AUTS2: variants seen among roughly 807,000 people sequenced by gnomAD.
The protein encoded by AUTS2 is activator of transcription and developmental regulator AUTS2.
Under a neutral mutation model 112.4 loss-of-function variants are expected in AUTS2, and 17 were observed. That is an observed-to-expected ratio of 0.15 (90% CI 0.10 to 0.23). The LOEUF (loss-of-function observed/expected upper bound fraction) is 0.23, where lower values mean the gene tolerates loss of function less well. Among genes scored for constraint, AUTS2 ranks in the 10% least tolerant of loss-of-function variants. The pLI is 1.00. For missense variants in AUTS2, 1,510 were observed against 1,701.6 expected (o/e 0.89, Z 1.98); for synonymous variants, 751 against 702.7 (o/e 1.07, Z -1.09).
At chr7:69,747,969 T>G (rs1273930498) in intron 1 of AUTS2, among the ~76,000 whole-genome samples, 1 of 151,908 alleles carries the variant, frequency 6.6e-6, no homozygotes, top group African/African-American at 2.4e-5. Context: ...TAGCATTGTA[T>G]TTTTTTTCCT....
At chr7:70,010,371 C>G (rs191765717) in intron 2 of AUTS2, among the ~76,000 whole-genome samples, 2 of 152,322 alleles carry the variant, frequency 1.3e-5, no homozygotes, top group East Asian at 3.9e-4. Context: ...ATCTCAAACT[C>G]CTGGTCTTAA....
intron 2 of AUTS2, among the ~76,000 whole-genome samples, chr7:70,027,184 G>A (rs1490089624): frequency 6.6e-6 from 1 of 152,110 alleles, no homozygotes; most frequent in Admixed American, 6.6e-5. Flanking sequence ...GGCTTATTGG[G>A]ATATAACCCC....
chr7:69,835,706 G>T (rs1791691954), intron 1 of AUTS2, among the ~76,000 whole-genome samples: 1 of 152,146 alleles, frequency 6.6e-6, no homozygotes. Flanking sequence ...ACTGATTTAG[G>T]GTGAAAGGCA....
At chr7:70,724,667 G>A (rs911929909) in intron 6 of AUTS2, among the ~76,000 whole-genome samples, 4 of 151,348 alleles carry the variant, frequency 2.6e-5, no homozygotes, top group Non-Finnish European at 4.4e-5. Flanking sequence ...GGATGGTCTC[G>A]ATCTCCTGAC....
At chr7:70,763,770 C>G (rs1789726565) in intron 7 of AUTS2, among the ~76,000 whole-genome samples, 1 of 151,884 alleles carries the variant, frequency 6.6e-6, no homozygotes, top group Non-Finnish European at 1.5e-5. Flanking sequence ...CCTGCAGCTC[C>G]AAAGGCAGGA....
chr7:69,908,661 C>A (rs1795240757), intron 2 of AUTS2, among the ~76,000 whole-genome samples: 1 of 152,196 alleles, frequency 6.6e-6, no homozygotes, highest in African/African-American at 2.4e-5. Flanking sequence ...TGCAGTGACG[C>A]TGATGTAGCA....
chr7:70,724,573 GTA>G (rs1786907553), intron 6 of AUTS2, among the ~76,000 whole-genome samples: 1 of 150,888 alleles, frequency 6.6e-6, no homozygotes, highest in Admixed American at 6.7e-5. Flanking sequence ...AGCCTCCCGA[GTA>G]GCTGTGACTA....
chr7:69,684,257 GC>G (rs1218519393), intron 1 of AUTS2, among the ~76,000 whole-genome samples: 1 of 152,136 alleles, frequency 6.6e-6, no homozygotes, highest in Non-Finnish European at 1.5e-5. Flanking sequence ...GAGGTAGACT[GC>G]CCCTTCCTGA....
At chr7:70,324,003 A>C (rs1410709173) in intron 4 of AUTS2, among the ~76,000 whole-genome samples, 3 of 152,220 alleles carry the variant, frequency 2.0e-5, no homozygotes, top group Admixed American at 2.0e-4. Flanking sequence ...TGTTGCATGC[A>C]GTGGGAGGAC....
At chr7:69,737,660 G>A (rs1308848958) in intron 1 of AUTS2, among the ~76,000 whole-genome samples, 3 of 152,034 alleles carry the variant, frequency 2.0e-5, no homozygotes, top group African/African-American at 7.2e-5. Context: ...TAGCCACAGG[G>A]GGATGTTTGA....
At chr7:70,187,838 A>G (rs532834402) in intron 4 of AUTS2, among the ~76,000 whole-genome samples, 187 of 146,108 alleles carry the variant, frequency 1.3e-3, no homozygotes, top group Non-Finnish European at 2.3e-3. Context: ...ACATCAGGAA[A>G]GGGAAGTTGT....
intron 4 of AUTS2, among the ~76,000 whole-genome samples, chr7:70,236,165 C>T (rs1383759587): frequency 6.6e-6 from 1 of 152,096 alleles, no homozygotes; most frequent in Non-Finnish European, 1.5e-5. Flanking sequence ...TAGCGAAACT[C>T]AGTAAGTATT....
chr7:70,266,931 G>A (rs945462960), intron 4 of AUTS2, among the ~76,000 whole-genome samples: 1 of 152,172 alleles, frequency 6.6e-6, no homozygotes, highest in African/African-American at 2.4e-5. Context: ...TGGCCCATTT[G>A]CCAGTTGCAG....
intron 2 of AUTS2, among the ~76,000 whole-genome samples, chr7:69,961,887 C>T (rs1797444431): frequency 6.6e-6 from 1 of 152,030 alleles, no homozygotes; most frequent in South Asian, 2.1e-4. Context: ...AATAAGAAAA[C>T]TCATACAACC....
chr7:69,761,161 T>A (rs147944837), intron 1 of AUTS2, among the ~76,000 whole-genome samples: 159 of 152,352 alleles, frequency 1.0e-3, no homozygotes, highest in Admixed American at 2.1e-3. Context: ...TTCAGCTGCC[T>A]GGAAATGCTG....
chr7:69,894,938 C>T (rs899040928), intron 1 of AUTS2, among the ~76,000 whole-genome samples: 5 of 152,068 alleles, frequency 3.3e-5, no homozygotes, highest in Non-Finnish European at 5.9e-5. Context: ...TCATGGTAGA[C>T]GAATGAATCA....
At chr7:70,698,724 C>A in intron 6 of AUTS2, 104 bp downstream of exon 6, 2 of 910,642 alleles carry the variant, frequency 2.2e-6, no homozygotes, top group Non-Finnish European at 3.3e-6. Flanking sequence ...TCTTATAATT[C>A]TGAAGCTACT....
chr7:70,146,516 A>G (rs1807133207), intron 4 of AUTS2, among the ~76,000 whole-genome samples: 1 of 151,958 alleles, frequency 6.6e-6, no homozygotes, highest in Non-Finnish European at 1.5e-5. Flanking sequence ...TGGTTCATTT[A>G]CTGTTTTGAA....
chr7:70,129,013 G>A (rs550935592), intron 3 of AUTS2, among the ~76,000 whole-genome samples: 33 of 152,096 alleles, frequency 2.2e-4, no homozygotes, highest in South Asian at 2.1e-4. Context: ...TAAAAAGACC[G>A]TATATCCAAA....
Sources: allele counts gnomAD v4.1 joint callset (sites outside exome capture counted in the v4.1 genomes callset), GRCh38; gene constraint gnomAD v4.1.1; transcripts MANE v1.5; gene names NCBI Gene and HGNC (gene_info 2026-07-23, HGNC 2026-07-21).